EPHA3: variants seen among roughly 807,000 people sequenced by gnomAD.
EPHA3 encodes EPH receptor A3.
In EPHA3, 42 loss-of-function variants were observed where a neutral mutation model predicts 107.1. That is an observed-to-expected ratio of 0.39 (90% CI 0.31 to 0.51). The LOEUF (loss-of-function observed/expected upper bound fraction) is 0.51. EPHA3 is among the 20% of genes least tolerant of loss of function. The pLI, the probability that EPHA3 is intolerant of heterozygous loss-of-function variation, is 0.78. For synonymous variants in EPHA3, 461 were observed against 424.8 expected, an observed-to-expected ratio of 1.09 and a Z score of -1.05; for missense variants, 1,183 against 1,211.2, an observed-to-expected ratio of 0.98 and a Z score of 0.35.
intron 3 of EPHA3, among the ~76,000 whole-genome samples, chr3:89,311,822 A>G (rs1410041492): frequency 6.6e-6 from 1 of 151,944 alleles, no homozygotes; most frequent in Admixed American, 6.6e-5. Flanking sequence ...TGTATTTTCA[A>G]CACTTCGGAG....
rs79674898 is a variant in EPHA3, at chr3:89,367,525, A to T, written c.1306+25435A>T. 4.5e-3 allele frequency among the ~76,000 whole-genome samples: 685 copies of T among 150,834 alleles called. 20 individuals carry two copies. Among genetic ancestry groups the T allele is most frequent in the Middle Eastern group, 0.017 (5 of 292 alleles). ...ATTAATCACATTAGCATATAGTTTC[A>T]ATCACATAACTTAGCTCCTTTAAAT... On this transcript the variant is annotated intron_variant, in intron 5 of 16. Transcript: ENST00000336596.
chr3:89,203,372 A>T (rs1277773296), intron 2 of EPHA3, among the ~76,000 whole-genome samples: 1 of 151,590 alleles, frequency 6.6e-6, no homozygotes, highest in Non-Finnish European at 1.5e-5. Context: ...TACATAAAGG[A>T]ATTAAACAGA....
At chr3:89,306,301 T>C (rs184940539) in intron 3 of EPHA3, among the ~76,000 whole-genome samples, 42 of 152,270 alleles carry the variant, frequency 2.8e-4, no homozygotes, top group Non-Finnish European at 4.4e-4. Context: ...GAAGCCCATG[T>C]TCTTAATTAC....
At chr3:89,449,522 A>C in intron 14 of EPHA3, 148 bp downstream of exon 14, 1 of 612,324 alleles carries the variant, frequency 1.6e-6, no homozygotes. Flanking sequence ...AAGTCTTGCA[A>C]GGATATTATA....
intron 2 of EPHA3, among the ~76,000 whole-genome samples, chr3:89,129,595 T>C: frequency 7.0e-6 from 1 of 143,208 alleles, no homozygotes; most frequent in East Asian, 2.0e-4. Flanking sequence ...TTAGAAAACA[T>C]TAGATTGTTT....
intron 3 of EPHA3, among the ~76,000 whole-genome samples, chr3:89,235,533 A>G (rs1217175235): frequency 1.3e-5 from 2 of 152,052 alleles, no homozygotes; most frequent in Non-Finnish European, 2.9e-5. Context: ...ATTTCTTCAT[A>G]TGCATGTAAG....
chr3:89,135,939 A>G (rs1163224511), intron 2 of EPHA3, among the ~76,000 whole-genome samples: 1 of 152,164 alleles, frequency 6.6e-6, no homozygotes, highest in East Asian at 1.9e-4. Flanking sequence ...ATAAGTAATT[A>G]CTTTTCTACT....
At position 89,361,733 on chromosome 3, in the gene EPHA3, C is replaced by A. The variant is rs935853648; in HGVS notation, c.1306+19643C>A. Among the ~76,000 whole-genome samples the A allele has an allele frequency of 6.6e-5, 10 of 150,948 alleles. 1 individual carries two copies. Among genetic ancestry groups the A allele is most frequent in the African/African-American group, 1.9e-4 (8 of 41,316 alleles). ...AGACCTGCCTCACTCTCCTCTATGC[C>A]CATTCTCTGCTATCCCCTTAGCCTG... is the stretch of plus-strand genomic sequence containing the variant. On this transcript the variant is annotated intron_variant, in intron 5 of 16. Transcript: ENST00000336596.
intron 3 of EPHA3, among the ~76,000 whole-genome samples, chr3:89,299,176 T>A (rs1228846595): frequency 6.6e-6 from 1 of 152,026 alleles, no homozygotes; most frequent in Non-Finnish European, 1.5e-5. Context: ...TGTAATAAGA[T>A]GGTGAATGCC....
intron 5 of EPHA3, among the ~76,000 whole-genome samples, chr3:89,352,104 G>A (rs777103591): frequency 1.7e-4 from 26 of 151,150 alleles, no homozygotes; most frequent in Non-Finnish European, 2.5e-4. Flanking sequence ...GATAGAAGGT[G>A]CACTAATTTA....
chr3:89,268,958 G>T, intron 3 of EPHA3, among the ~76,000 whole-genome samples: 1 of 151,080 alleles, frequency 6.6e-6, no homozygotes, highest in Non-Finnish European at 1.5e-5. Context: ...ACAAGGTCGT[G>T]TGTCTTATAC....
chr3:89,217,625 T>A (rs1704250640), intron 3 of EPHA3, among the ~76,000 whole-genome samples: 1 of 152,158 alleles, frequency 6.6e-6, no homozygotes, highest in Non-Finnish European at 1.5e-5. Context: ...ACAGACTTTT[T>A]GTATTATTAA....
chr3:89,414,170 A>T (rs541231635), intron 10 of EPHA3, among the ~76,000 whole-genome samples: 2 of 151,784 alleles, frequency 1.3e-5, no homozygotes, highest in African/African-American at 4.8e-5. Context: ...CTTTACAAAA[A>T]TGTACATGTA....
At chr3:89,302,751 C>A (rs1706521631) in intron 3 of EPHA3, among the ~76,000 whole-genome samples, 1 of 152,086 alleles carries the variant, frequency 6.6e-6, no homozygotes, top group African/African-American at 2.4e-5. Flanking sequence ...TAGCTCTATA[C>A]AATTGTTATT....
intron 5 of EPHA3, among the ~76,000 whole-genome samples, chr3:89,383,473 C>T (rs1459312947): frequency 5.3e-5 from 8 of 151,984 alleles, no homozygotes; most frequent in Admixed American, 5.2e-4. Flanking sequence ...TGAGAAGCTC[C>T]ACAGAGAATC....
At chr3:89,159,916 GCTTC>G (rs879738474) in intron 2 of EPHA3, among the ~76,000 whole-genome samples, 7 of 151,626 alleles carry the variant, frequency 4.6e-5, no homozygotes, top group South Asian at 4.2e-4. Context: ...TTCCTTCTTT[GCTTC>G]CTTCCTTCCT....
At chr3:89,222,631 G>A (rs1178537272) in intron 3 of EPHA3, among the ~76,000 whole-genome samples, 3 of 151,676 alleles carry the variant, frequency 2.0e-5, no homozygotes, top group African/African-American at 7.3e-5. Flanking sequence ...GTACTTATAA[G>A]TGTACTTTAA....
chr3:89,156,430 G>T (rs1314729145), intron 2 of EPHA3, among the ~76,000 whole-genome samples: 2 of 151,964 alleles, frequency 1.3e-5, no homozygotes, highest in African/African-American at 2.4e-5. Flanking sequence ...GCAATAAATT[G>T]TTTATTTTTT....
At chr3:89,271,867 T>C (rs1478445700) in intron 3 of EPHA3, among the ~76,000 whole-genome samples, 2 of 151,946 alleles carry the variant, frequency 1.3e-5, no homozygotes, top group Admixed American at 1.3e-4. Context: ...ATACATAGAT[T>C]TTCTTCCACC....
Sources: allele counts gnomAD v4.1 joint callset (sites outside exome capture counted in the v4.1 genomes callset), GRCh38; gene constraint gnomAD v4.1.1; transcripts MANE v1.5; gene names NCBI Gene and HGNC (gene_info 2026-07-23, HGNC 2026-07-21).